Variants in TTLL7 observed in about 807,000 individuals in gnomAD.
TTLL7 encodes tubulin tyrosine ligase like 7, also known as tubulin polyglutamylase TTLL7.
TTLL7 carries 53 observed loss-of-function variants against 120.2 expected under a neutral mutation model. The ratio of observed to expected loss-of-function variants is 0.44; its 90% CI spans 0.35 to 0.55. The LOEUF is 0.55. TTLL7 is among the 20% of genes least tolerant of loss of function. The probability of loss-of-function intolerance (pLI) is 0.00; values close to 1 mark genes in which losing one functional copy is unlikely to be tolerated. For synonymous variants in TTLL7, 353 were observed against 351.7 expected (o/e 1.00, Z -0.04); for missense variants, 803 against 1,054.7 (o/e 0.76, Z 3.31).
In TTLL7 at chr1:83,947,282, T is replaced by C; in HGVS notation, c.348A>G (p.Lys116=). 3.1e-6 allele frequency: 5 copies of C among 1,593,164 alleles called. No individual in the cohort carries two copies. Among genetic ancestry groups the C allele is most frequent in the Non-Finnish European group, 4.3e-6 (5 of 1,173,356 alleles). ...AATCCAGAGGCCGAGACTTGATCAT[T>C]CTGTAAATTGGACATAATAGGAAAA... The part of the protein sequence containing the change: ...RKDFLARNMT[K]MIKSRPLDYT... The change falls in exon 6 of 21, where the codon AAA becomes AAG. Residue 116 remains lysine, a splice_region_variant and synonymous_variant. Transcript: ENST00000260505.
intron 15 of TTLL7, among the ~76,000 whole-genome samples, chr1:83,907,958 A>G (rs2100764673): frequency 1.3e-5 from 2 of 152,256 alleles, no homozygotes; most frequent in Middle Eastern, 3.4e-3. Context: ...AGAAAGGAAA[A>G]TTAACATTTA....
At position 83,919,701 on chromosome 1, in the gene TTLL7, T is replaced by G. The variant is rs1486517031; in HGVS notation, c.1498A>C (p.Lys500Gln). 1 of 1,611,180 alleles carries G rather than the reference T, an allele frequency of 6.2e-7. No homozygotes were observed. The highest frequency in any genetic ancestry group is 8.5e-7 in the Non-Finnish European group (1 of 1,178,754). The change falls in exon 13 of 21, where the codon AAG (lysine) becomes CAG (glutamine). Residue 500 changes from lysine (K) to glutamine (Q), a missense_variant and splice_region_variant. Physicochemically the swap from Lys to Gln is moderately conservative, Grantham distance 53 (BLOSUM62 1). Coordinates refer to ENST00000260505, the MANE Select transcript of TTLL7 (RefSeq NM_024686.6). ...TATATAAACATTCATTCTCTTACCT[T>G]CATCCTTTTCAAAGGATTATTCAAC... is the stretch of plus-strand genomic sequence containing the variant. ...RELNNPLKRM[K>Q]EEDILDLLEQ... is the part of the protein sequence containing the mutation.
intron 20 of TTLL7, among the ~76,000 whole-genome samples, chr1:83,879,215 A>AT (rs1654226248): frequency 6.6e-6 from 1 of 152,026 alleles, no homozygotes; most frequent in Admixed American, 6.6e-5. Context: ...AGGAAAAGAA[A>AT]TATGGCCACT....
chr1:83,898,899 T>TA (rs1236076723), intron 18 of TTLL7, among the ~76,000 whole-genome samples: 2 of 151,824 alleles, frequency 1.3e-5, no homozygotes, highest in African/African-American at 4.8e-5. Context: ...AAATTTTTTT[T>TA]AAAAAATCCC....
In TTLL7 at chr1:83,869,783, A is replaced by T. The variant is rs1653172802; in HGVS notation, c.*179T>A. On this transcript the variant is annotated 3_prime_UTR_variant, in exon 21 of 21. Transcript: ENST00000260505. ...CATTTTCTGCTAATTCTTCTTTCAT[A>T]TATCATTTAATATAATAAATATATG... 1 of 415,668 alleles carries T rather than the reference A, an allele frequency of 2.4e-6. No individual in the cohort carries two copies. 25.7% of individuals were successfully genotyped at this position (415,668 alleles called of 1,614,324 possible). A position where few individuals can be genotyped will look rare whatever the true frequency, so the allele number is the denominator to read the frequency against.
At chr1:83,963,825 A>T (rs1183154536) in intron 1 of TTLL7, among the ~76,000 whole-genome samples, 1 of 152,162 alleles carries the variant, frequency 6.6e-6, no homozygotes, top group African/African-American at 2.4e-5. Context: ...AATTTCTACA[A>T]TCAGGCAGAA....
At chr1:83,979,948 T>A (rs1017957009) in intron 1 of TTLL7, 2 of 152,220 alleles carry the variant, frequency 1.3e-5, no homozygotes, top group Non-Finnish European at 2.9e-5. Flanking sequence ...CAAATACGCA[T>A]CATGTTCTTC....
intron 1 of TTLL7, among the ~76,000 whole-genome samples, chr1:83,963,334 G>C (rs1267959309): frequency 1.3e-5 from 2 of 152,018 alleles, no homozygotes; most frequent in Non-Finnish European, 2.9e-5. Flanking sequence ...AGCTGTGTTT[G>C]AACCTGAGAG....
At chr1:83,951,697 C>T in intron 3 of TTLL7, 148 bp downstream of exon 3, 2 of 838,846 alleles carry the variant, frequency 2.4e-6, no homozygotes, top group Non-Finnish European at 3.5e-6. Flanking sequence ...AAGAATCCTT[C>T]TAATATGTTA....
chr1:83,978,524 T>C (rs1051251685), intron 1 of TTLL7, among the ~76,000 whole-genome samples: 3 of 152,210 alleles, frequency 2.0e-5, no homozygotes, highest in South Asian at 2.1e-4. Context: ...TCAAACATCA[T>C]AGTCATCTAG....
chr1:83,982,415 T>C (rs1203709270), intron 1 of TTLL7, among the ~76,000 whole-genome samples: 1 of 151,712 alleles, frequency 6.6e-6, no homozygotes, highest in Non-Finnish European at 1.5e-5. Flanking sequence ...CTTATATAAA[T>C]ATAAGAAATC....
chr1:83,883,313 A>G (rs1372058901), intron 19 of TTLL7, among the ~76,000 whole-genome samples, 177 bp from the exon 20 acceptor site: 1 of 152,062 alleles, frequency 6.6e-6, no homozygotes, highest in Non-Finnish European at 1.5e-5. Context: ...TAATCTTTAT[A>G]TTAAAGAAAT....
chr1:83,994,604 T>C (rs113913907), intron 1 of TTLL7, among the ~76,000 whole-genome samples: 2 of 152,196 alleles, frequency 1.3e-5, no homozygotes, highest in Non-Finnish European at 2.9e-5. Flanking sequence ...TGAGAAGAGA[T>C]GTTGGGAACT....
At chr1:83,950,044 G>A in intron 3 of TTLL7, 58 bp from the exon 4 acceptor site, 2 of 1,407,172 alleles carry the variant, frequency 1.4e-6, no homozygotes, top group South Asian at 1.3e-5. Context: ...TATATTCATT[G>A]CAGAAACATT....
At chr1:83,987,613 T>G (rs888393813) in intron 1 of TTLL7, among the ~76,000 whole-genome samples, 1 of 152,180 alleles carries the variant, frequency 6.6e-6, no homozygotes, top group Non-Finnish European at 1.5e-5. Flanking sequence ...AACAGCAATT[T>G]GAAACAATTC....
rs1277576801 is a variant in TTLL7 at position 83,867,161 on chromosome 1, T to C, written c.*2801A>G. The C allele has an allele frequency of 1.3e-5, 2 of 152,052 alleles. No individual in the cohort carries two copies. The highest frequency in any genetic ancestry group is 4.8e-5 in the African/African-American group (2 of 41,458). 9.4% of individuals were successfully genotyped at this position (152,052 alleles called of 1,614,324 possible). A position where few individuals can be genotyped will look rare whatever the true frequency, so the allele number is the denominator to read the frequency against. ...ACACCTGTACAATCACTTATGCTTA[T>C]ATGTTTTAACCTATGAATAAAAATT... On this transcript the variant is annotated 3_prime_UTR_variant, in exon 21 of 21. Coordinates refer to ENST00000260505, the MANE Select transcript of TTLL7 (RefSeq NM_024686.6).
chr1:83,968,594 G>A (rs985251070), intron 1 of TTLL7, among the ~76,000 whole-genome samples: 1 of 152,028 alleles, frequency 6.6e-6, no homozygotes, highest in African/African-American at 2.4e-5. Context: ...CTAGGATACT[G>A]ACCTGGAAAA....
At chr1:83,895,003 C>T (rs1227703567) in intron 18 of TTLL7, among the ~76,000 whole-genome samples, 1 of 152,066 alleles carries the variant, frequency 6.6e-6, no homozygotes, top group Non-Finnish European at 1.5e-5. Flanking sequence ...AAGCTCCTTC[C>T]TCTGCCTGAA....
chr1:83,932,896 G>A (rs556214228), intron 9 of TTLL7, among the ~76,000 whole-genome samples: 87 of 152,268 alleles, frequency 5.7e-4, no homozygotes, highest in African/African-American at 2.1e-3. Flanking sequence ...TCTGGACCAC[G>A]TGACTTCTAA....
Sources: gnomAD v4.1 joint callset for allele counts (sites outside exome capture counted in the v4.1 genomes callset) on GRCh38, gnomAD v4.1.1 for gene constraint, MANE v1.5 for transcripts, NCBI Gene and HGNC (gene_info 2026-07-23, HGNC 2026-07-21) for gene names.